Variants in RASSF9 observed in about 807,000 individuals in gnomAD.
The protein encoded by RASSF9 is ras association domain-containing protein 9.
In RASSF9, 18 loss-of-function variants were observed where a neutral mutation model predicts 21.4. That is an observed-to-expected ratio of 0.84 (90% CI 0.58 to 1.25). RASSF9 has a LOEUF of 1.25. Ranked by LOEUF, RASSF9 falls within the 50% of genes most tolerant of loss-of-function variation. The pLI is 0.00. For synonymous variants in RASSF9, 183 were observed against 179.1 expected, an observed-to-expected ratio of 1.02 and a Z score of -0.18; for missense variants, 480 against 503.2, an observed-to-expected ratio of 0.95 and a Z score of 0.44.
rs746890098 is a variant in RASSF9, at chr12:85,805,888, C to T, written c.122G>A (p.Cys41Tyr). 1.1e-5 allele frequency: 17 copies of T among 1,613,866 alleles called. No homozygotes were observed. The South Asian group carries it at 1.9e-4, about 18-fold the overall frequency. Residue 41 changes from cysteine (C) to tyrosine (Y), a missense_variant, in exon 2 of 2, where the codon TGT (cysteine) becomes TAT (tyrosine). Transcript: ENST00000361228. ...VWVCQEEKLVCGLTKRTTSAD... is the reference protein window; with the variant it reads ...VWVCQEEKLVYGLTKRTTSAD... Reference sequence around the variant, plus strand: ...AGAGGTGGTGCGTTTAGTCAGCCCACAGACAAGCTTCTCTTCTTGGCAAAC... The same window carrying T: ...AGAGGTGGTGCGTTTAGTCAGCCCATAGACAAGCTTCTCTTCTTGGCAAAC...
At chr12:85,826,260 A>G (rs752696664) in intron 1 of RASSF9, among the ~76,000 whole-genome samples, 1 of 152,112 alleles carries the variant, frequency 6.6e-6, no homozygotes, top group Non-Finnish European at 1.5e-5. Flanking sequence ...CCAGTTACTC[A>G]GAACCAAAAT....
chr12:85,815,195 CTG>C (rs1322938956), intron 1 of RASSF9, among the ~76,000 whole-genome samples: 7 of 151,966 alleles, frequency 4.6e-5, no homozygotes, highest in Non-Finnish European at 4.4e-5. Context: ...CCAAAAACCT[CTG>C]GTTTAGGGGA....
In RASSF9 at chr12:85,817,905, T is replaced by C. The variant is rs141499737; in HGVS notation, c.48-11943A>G. ...AAAACAACAATAAAGTTAAGTAGTC[T>C]TTAATAAATAATAAAAAAGACATAG... On this transcript the variant is annotated intron_variant, in intron 1 of 1. Transcript: ENST00000361228. 2.2e-3 allele frequency among the ~76,000 whole-genome samples: 330 copies of C among 152,302 alleles called. 2 individuals carry two copies. The highest frequency in any genetic ancestry group is 7.2e-3 in the African/African-American group (299 of 41,554).
chr12:85,836,195 G>A lies in RASSF9; in HGVS notation c.7C>T (p.Pro3Ser). The change falls in exon 1 of 2, where the codon CCC (proline) becomes TCC (serine). Residue 3 changes from proline to serine, a missense_variant. Pro to Ser is a moderately conservative substitution (Grantham distance 74). Coordinates refer to ENST00000361228, the MANE Select transcript of RASSF9 (RefSeq NM_005447.4). The stretch of plus-strand genomic sequence containing the variant: ...GTCTTTAGCAAGTTTCTTCCAAAGG[G>A]AGCCATGGTCTGTCGGGCAAACGAA... MA[P>S]FGRNLLKTRH... 8.4e-6 allele frequency: 13 copies of A among 1,543,558 alleles called. No individual in the cohort carries two copies. The highest frequency in any genetic ancestry group is 1.1e-5 in the Non-Finnish European group (13 of 1,142,926).
At chr12:85,826,021 A>T (rs1333066420) in intron 1 of RASSF9, among the ~76,000 whole-genome samples, 1 of 152,154 alleles carries the variant, frequency 6.6e-6, no homozygotes, top group Non-Finnish European at 1.5e-5. Flanking sequence ...ATTCTGTATT[A>T]ATCAGCCCCA....
At chr12:85,806,234 T>C (rs903183634) in intron 1 of RASSF9, among the ~76,000 whole-genome samples, 2 of 151,292 alleles carry the variant, frequency 1.3e-5, no homozygotes, top group African/African-American at 4.8e-5. Flanking sequence ...GTATTTTTAG[T>C]ACAGACGGGG....
intron 1 of RASSF9, among the ~76,000 whole-genome samples, chr12:85,827,496 A>G (rs987270648): frequency 6.6e-5 from 10 of 152,196 alleles, no homozygotes; most frequent in South Asian, 2.1e-4. Context: ...ATAAGATTCT[A>G]TAATTCCCCT....
rs767590315 is a variant in RASSF9 at position 85,804,709 on chromosome 12, G to C, written c.1301C>G (p.Ser434Ter). The change falls in exon 2 of 2, where the codon TCA (serine) becomes TGA (stop). Residue 434 changes from serine (S) to a stop codon, truncating the protein, a stop_gained. Coordinates refer to ENST00000361228, the MANE Select transcript of RASSF9 (RefSeq NM_005447.4). LOFTEE classifies it high-confidence loss of function. ...AGAAAGGAGCCATTGGAACTATGTT[G>C]ACAACAGCACCACATCTCCTACTGT... ...ETTVGDVVLL[S>*]T is the part of the protein sequence containing the mutation. 1.3e-6 allele frequency: 2 copies of C among 1,593,366 alleles called. No individual in the cohort carries two copies. The highest frequency in any genetic ancestry group is 1.7e-6 in the Non-Finnish European group (2 of 1,165,368).
In RASSF9 at chr12:85,802,888, A is replaced by T. The variant is rs577220878; in HGVS notation, c.*1814T>A. The T allele has an allele frequency of 7.9e-5, 12 of 152,182 alleles. No individual in the cohort carries two copies. In the South Asian group the frequency reaches 8.3e-4, roughly 11 times the overall value. 9.4% of individuals were successfully genotyped at this position (152,182 alleles called of 1,614,324 possible). ...ATGACTATTCAATTTTATCTTTTTT[A>T]AAAAAATGTAACCGATGCCAGAATT... On this transcript the variant is annotated 3_prime_UTR_variant, in exon 2 of 2. Transcript: ENST00000361228.
intron 1 of RASSF9, among the ~76,000 whole-genome samples, chr12:85,826,722 C>T (rs1300887426): frequency 1.3e-5 from 2 of 152,002 alleles, no homozygotes; most frequent in Non-Finnish European, 2.9e-5. Flanking sequence ...GGATTACAGG[C>T]ATGAGCCACC....
At chr12:85,818,827 C>T (rs1327350552) in intron 1 of RASSF9, among the ~76,000 whole-genome samples, 1 of 151,848 alleles carries the variant, frequency 6.6e-6, no homozygotes, top group East Asian at 1.9e-4. Context: ...GGCGTGGTGG[C>T]GGGCGCCTGT....
chr12:85,805,095 T>C lies in RASSF9; in HGVS notation c.915A>G (p.Glu305=). Residue 305 remains glutamate, a synonymous_variant, in exon 2 of 2, where the codon GAA becomes GAG. Transcript: ENST00000361228. ...TAGAGCTTTCCAGTTCACTTGCAGC[T>C]TCCCCTTCCGCATCTTCATTTATAT... The part of the protein sequence containing the change: ...CIDINEDAEG[E]AASELESSNL... The C allele has an allele frequency of 1.2e-6, 2 of 1,614,014 alleles. No homozygotes were observed. Among genetic ancestry groups the C allele is most frequent in the East Asian group, 2.2e-5 (1 of 44,884 alleles).
chr12:85,827,027 A>G (rs1880349752), intron 1 of RASSF9, among the ~76,000 whole-genome samples: 1 of 152,108 alleles, frequency 6.6e-6, no homozygotes, highest in Non-Finnish European at 1.5e-5. Flanking sequence ...TCTAGTATAG[A>G]CGCTGTTTTG....
intron 1 of RASSF9, among the ~76,000 whole-genome samples, chr12:85,827,439 A>T (rs757230071): frequency 6.6e-6 from 1 of 152,178 alleles, no homozygotes; most frequent in African/African-American, 2.4e-5. Flanking sequence ...GTCCTAGTAC[A>T]ATTACCTCTC....
Position 85,804,842 on chromosome 12 carries a change from T to C in RASSF9, c.1168A>G (p.Ser390Gly), listed in dbSNP as rs1399906683. 2 of 1,613,232 alleles carry C rather than the reference T, an allele frequency of 1.2e-6. No homozygotes were observed. Among genetic ancestry groups the C allele is most frequent in the Admixed American group, 1.7e-5 (1 of 60,008 alleles). Residue 390 changes from serine (S) to glycine (G), a missense_variant, in exon 2 of 2, where the codon AGC becomes GGC. Physicochemically the swap from Ser to Gly is moderately conservative, Grantham distance 56. Coordinates refer to ENST00000361228, the MANE Select transcript of RASSF9 (RefSeq NM_005447.4). Reference protein sequence around the residue: ...NRAKESEVPSSNGEIPPFTQR... With the variant: ...NRAKESEVPSGNGEIPPFTQR... ...GTAAAGGGAGGAATCTCCCCATTGC[T>C]ACTGGGAACCTCAGATTCCTTCGCT...
At chr12:85,812,713 G>A (rs977314523) in intron 1 of RASSF9, among the ~76,000 whole-genome samples, 4 of 151,334 alleles carry the variant, frequency 2.6e-5, no homozygotes, top group African/African-American at 9.7e-5. Flanking sequence ...TATAAATACA[G>A]GTTATTAGGA....
At chr12:85,819,573 T>TA (rs1331620418) in intron 1 of RASSF9, among the ~76,000 whole-genome samples, 1 of 152,216 alleles carries the variant, frequency 6.6e-6, no homozygotes, top group African/African-American at 2.4e-5. Flanking sequence ...GTACTAAAAT[T>TA]ATGCCCATTT....
intron 1 of RASSF9, 110 bp from the exon 2 acceptor site, chr12:85,806,072 ATTTT>A: frequency 1.7e-6 from 2 of 1,193,172 alleles, no homozygotes; most frequent in Non-Finnish European, 2.3e-6. Context: ...TGAGAGAGGC[ATTTT>A]TTTTCTGTCG....
chr12:85,832,629 A>G (rs997672950), intron 1 of RASSF9, among the ~76,000 whole-genome samples: 3 of 151,924 alleles, frequency 2.0e-5, no homozygotes, highest in African/African-American at 7.2e-5. Flanking sequence ...TTACTACTTT[A>G]GCTTTTATGT....
Sources: allele counts gnomAD v4.1 joint callset (sites outside exome capture counted in the v4.1 genomes callset), GRCh38; gene constraint gnomAD v4.1.1; transcripts MANE v1.5; gene names NCBI Gene and HGNC (gene_info 2026-07-23, HGNC 2026-07-21).